Variants in RBFOX1 observed in about 807,000 individuals in gnomAD.
RBFOX1 encodes RNA binding fox-1 homolog 1, also known as RNA binding protein fox-1 homolog 1.
Under a neutral mutation model 57.7 loss-of-function variants are expected in RBFOX1, and 8 were observed. That is an observed-to-expected ratio of 0.14 (90% CI 0.08 to 0.25). The LOEUF (loss-of-function observed/expected upper bound fraction) is 0.25. RBFOX1 is among the 10% of genes least tolerant of loss of function. The pLI, the probability that RBFOX1 is intolerant of heterozygous loss-of-function variation, is 1.00. For synonymous variants in RBFOX1, 326 were observed against 222.4 expected, an observed-to-expected ratio of 1.47 and a Z score of -4.15; for missense variants, 611 against 548.5, an observed-to-expected ratio of 1.11 and a Z score of -1.14.
At chr16:7,110,593 A>T (rs1225848995) in intron 4 of RBFOX1, among the ~76,000 whole-genome samples, 2 of 152,182 alleles carry the variant, frequency 1.3e-5, no homozygotes, top group Non-Finnish European at 2.9e-5. Context: ...TCTGGGCACG[A>T]AGATTAGTGT....
At chr16:5,382,607 G>C (rs919026489) in intron 1 of RBFOX1, among the ~76,000 whole-genome samples, 4 of 152,160 alleles carry the variant, frequency 2.6e-5, no homozygotes, top group African/African-American at 9.7e-5. Context: ...TAAGGTTCTA[G>C]TAGATGTACT....
intron 3 of RBFOX1, among the ~76,000 whole-genome samples, chr16:6,742,735 C>G (rs920220620): frequency 6.6e-6 from 1 of 152,118 alleles, no homozygotes; most frequent in African/African-American, 2.4e-5. Context: ...AAAACAGTCT[C>G]AAAAGGTTAT....
chr16:6,710,107 C>CA (rs921064450), intron 3 of RBFOX1, among the ~76,000 whole-genome samples: 1 of 152,018 alleles, frequency 6.6e-6, no homozygotes, highest in African/African-American at 2.4e-5. Context: ...GGAACCACAG[C>CA]AAAAATACCA....
At chr16:7,012,293 C>A (rs137932855) in intron 3 of RBFOX1, among the ~76,000 whole-genome samples, 1 of 152,180 alleles carries the variant, frequency 6.6e-6, no homozygotes, top group African/African-American at 2.4e-5. Context: ...GGCTGACAGA[C>A]CAAATGTCTG....
chr16:6,253,699 G>GTGTGTGTA (rs71145205), intron 1 of RBFOX1, among the ~76,000 whole-genome samples: 343 of 142,484 alleles, frequency 2.4e-3, no homozygotes, highest in Middle Eastern at 3.6e-3. Flanking sequence ...GTGTGTGTGT[G>GTGTGTGTA]TATATATATA....
At chr16:6,953,737 A>G (rs1455027819) in intron 3 of RBFOX1, among the ~76,000 whole-genome samples, 3 of 152,210 alleles carry the variant, frequency 2.0e-5, no homozygotes, top group Non-Finnish European at 2.9e-5. Context: ...TACATATTTT[A>G]TATACATAAT....
intron 10 of RBFOX1, among the ~76,000 whole-genome samples, chr16:7,627,386 T>C (rs986535900): frequency 6.6e-6 from 1 of 152,106 alleles, no homozygotes; most frequent in Non-Finnish European, 1.5e-5. Context: ...GGCTAAAGAA[T>C]GGGTAGGTAG....
intron 7 of RBFOX1, 113 bp from the exon 8 acceptor site, chr16:7,595,436 C>G: frequency 1.3e-6 from 1 of 756,760 alleles, no homozygotes; most frequent in Non-Finnish European, 2.0e-6. Flanking sequence ...TTGCATGTTA[C>G]AGAACTGAAG....
chr16:5,684,962 T>C (rs2050459400), intron 3 of RBFOX1, among the ~76,000 whole-genome samples: 1 of 152,206 alleles, frequency 6.6e-6, no homozygotes, highest in Non-Finnish European at 1.5e-5. Context: ...CACAGATAGA[T>C]AAAGTCACTA....
chr16:5,426,197 G>C (rs1312202392), intron 1 of RBFOX1, among the ~76,000 whole-genome samples: 1 of 152,104 alleles, frequency 6.6e-6, no homozygotes, highest in Admixed American at 6.5e-5. Flanking sequence ...CAATTGCGGG[G>C]CACGTTTGGA....
intron 3 of RBFOX1, among the ~76,000 whole-genome samples, chr16:6,910,033 C>A (rs1043588832): frequency 3.7e-4 from 56 of 152,038 alleles, no homozygotes; most frequent in African/African-American, 1.3e-3. Flanking sequence ...TTGTTCATTA[C>A]TCTTACCTCT....
At chr16:7,689,488 C>T (rs2076863490) in intron 14 of RBFOX1, among the ~76,000 whole-genome samples, 1 of 152,080 alleles carries the variant, frequency 6.6e-6, no homozygotes, top group African/African-American at 2.4e-5. Context: ...AGCTGATCAA[C>T]AGGCAGGCCT....
chr16:7,128,752 C>A (rs1287751648), intron 4 of RBFOX1, among the ~76,000 whole-genome samples: 1 of 151,560 alleles, frequency 6.6e-6, no homozygotes, highest in Non-Finnish European at 1.5e-5. Flanking sequence ...AGGGCTAGAA[C>A]TGGGGAAGAA....
At position 6,407,596 on chromosome 16, in the gene RBFOX1, G is replaced by GAGAGAGAGAGAGAGAAC. The variant is rs71386523; in HGVS notation, c.-64+90539_-64+90540insAGAGAGAGAGAGAGAAC. On this transcript the variant is annotated intron_variant, in intron 2 of 15. Transcript: ENST00000550418. The stretch of plus-strand genomic sequence containing the variant: ...GAGAGAGAGAGAGAGAGAGAGAGAA[G>GAGAGAGAGAGAGAGAAC]TACATTCTATCCTAGGAAATGGGAA... Among the ~76,000 whole-genome samples the GAGAGAGAGAGAGAGAAC allele has an allele frequency of 2.7e-3, 398 of 146,170 alleles. 5 individuals are homozygous for GAGAGAGAGAGAGAGAAC. The highest frequency in any genetic ancestry group is 7.6e-3 in the African/African-American group (291 of 38,084).
chr16:5,711,308 G>A (rs1225985878), intron 3 of RBFOX1, among the ~76,000 whole-genome samples: 1 of 152,174 alleles, frequency 6.6e-6, no homozygotes, highest in African/African-American at 2.4e-5. Context: ...GAAAATGGAG[G>A]CACAGAGAGG....
Position 5,374,032 on chromosome 16 carries a change from C to T in RBFOX1, c.220-93184C>T, listed in dbSNP as rs143677630. Among the ~76,000 whole-genome samples the T allele has an allele frequency of 8.7e-3, 1,320 of 152,352 alleles. 16 individuals carry two copies. The highest frequency in any genetic ancestry group is 0.03 in the African/African-American group (1,257 of 41,582). The stretch of plus-strand genomic sequence containing the variant: ...TTCTGGGTTCAAGCGATTCTCCTGC[C>T]TCACCCTCCTGAGTAGCTGCGATTA... On this transcript the variant is annotated intron_variant, in intron 1 of 2. Transcript: ENST00000585867.
At chr16:6,928,131 TAGTG>T (rs1243189367) in intron 3 of RBFOX1, among the ~76,000 whole-genome samples, 4 of 152,110 alleles carry the variant, frequency 2.6e-5, no homozygotes, top group African/African-American at 9.7e-5. Flanking sequence ...GCACAATTCT[TAGTG>T]TGTGTGATTG....
At chr16:6,606,037 A>G (rs1196174922) in intron 2 of RBFOX1, among the ~76,000 whole-genome samples, 1 of 151,974 alleles carries the variant, frequency 6.6e-6, no homozygotes, top group Non-Finnish European at 1.5e-5. Flanking sequence ...TGAACCCAGG[A>G]GGTGGAGGTT....
intron 2 of RBFOX1, among the ~76,000 whole-genome samples, chr16:6,579,108 G>A (rs1024266670): frequency 1.3e-5 from 2 of 152,038 alleles, no homozygotes; most frequent in African/African-American, 4.8e-5. Flanking sequence ...ATGATGTTAT[G>A]TTTTCTTCTA....
Sources: gnomAD v4.1 joint callset for allele counts (sites outside exome capture counted in the v4.1 genomes callset) on GRCh38, gnomAD v4.1.1 for gene constraint, MANE v1.5 for transcripts, NCBI Gene and HGNC (gene_info 2026-07-23, HGNC 2026-07-21) for gene names.